WWOX: variants seen among roughly 807,000 people sequenced by gnomAD.
The protein encoded by WWOX is WW domain-containing oxidoreductase.
Under a neutral mutation model 46.2 loss-of-function variants are expected in WWOX, and 69 were observed. The observed-to-expected ratio is 1.49, with a 90% CI of 1.23 to 1.82. The LOEUF is 1.82. WWOX is among the 40% of genes most tolerant of loss of function. The pLI, the probability that WWOX is intolerant of heterozygous loss-of-function variation, is 0.00. For missense variants in WWOX, 919 were observed against 542.6 expected (o/e 1.69, Z -6.89); for synonymous variants, 359 against 202.6 (o/e 1.77, Z -6.56).
chr16:78,807,336 C>A (rs1245562899), intron 8 of WWOX, among the ~76,000 whole-genome samples: 1 of 152,122 alleles, frequency 6.6e-6, no homozygotes, highest in African/African-American at 2.4e-5. Flanking sequence ...CCAGTGACAC[C>A]CAGTGAATCT....
chr16:78,552,913 C>A (rs999780245), intron 8 of WWOX: 5 of 152,202 alleles, frequency 3.3e-5, no homozygotes, highest in African/African-American at 1.2e-4. Context: ...CTCCACATGC[C>A]ACAGGGAGTT....
At chr16:79,054,140 G>A (rs2048219754) in intron 8 of WWOX, among the ~76,000 whole-genome samples, 1 of 152,154 alleles carries the variant, frequency 6.6e-6, no homozygotes, top group African/African-American at 2.4e-5. Flanking sequence ...GTCAATGTTG[G>A]CTGTGGTTAG....
intron 8 of WWOX, among the ~76,000 whole-genome samples, chr16:79,030,233 A>G (rs936867267): frequency 6.6e-6 from 1 of 152,236 alleles, no homozygotes; most frequent in Non-Finnish European, 1.5e-5. Flanking sequence ...ATTACTTAGG[A>G]AAACTTTTAT....
At position 78,753,322 on chromosome 16, in the gene WWOX, A is replaced by T. The variant is rs566814086; in HGVS notation, c.1056+320570A>T. On this transcript the variant is annotated intron_variant, in intron 8 of 8. Coordinates refer to ENST00000566780, the MANE Select transcript of WWOX (RefSeq NM_016373.4). ...CGACAGAGTGAGACTCCGTCTCAAA[A>T]AAAAAGAAAAAAGAAAGAAAGAACC... 6.6e-5 allele frequency among the ~76,000 whole-genome samples: 10 copies of T among 152,048 alleles called. 1 individual carries two copies. In the East Asian group the frequency reaches 1.9e-3, roughly 30 times the overall value.
intron 8 of WWOX, among the ~76,000 whole-genome samples, chr16:78,889,057 C>T (rs1391259686): frequency 6.6e-6 from 1 of 152,100 alleles, no homozygotes; most frequent in African/African-American, 2.4e-5. Flanking sequence ...TTCCCTTTTA[C>T]AAGAAGATGT....
chr16:78,353,734 A>G (rs976537273), intron 5 of WWOX, among the ~76,000 whole-genome samples: 2 of 152,174 alleles, frequency 1.3e-5, no homozygotes, highest in Non-Finnish European at 2.9e-5. Flanking sequence ...GAACTTATTG[A>G]AGTGAGCAGG....
chr16:78,324,859 C>T (rs149754753), intron 5 of WWOX, among the ~76,000 whole-genome samples: 5 of 152,196 alleles, frequency 3.3e-5, no homozygotes, highest in African/African-American at 1.2e-4. Flanking sequence ...GTTGGTTGCA[C>T]AACTCTAAAT....
At chr16:78,542,814 C>A (rs1056933558) in intron 8 of WWOX, among the ~76,000 whole-genome samples, 1 of 152,134 alleles carries the variant, frequency 6.6e-6, no homozygotes, top group East Asian at 1.9e-4. Context: ...TTCTTTCTTT[C>A]TTAATGCAGG....
intron 8 of WWOX, among the ~76,000 whole-genome samples, chr16:78,767,213 T>C (rs1415836388): frequency 1.3e-5 from 2 of 151,994 alleles, no homozygotes; most frequent in Non-Finnish European, 2.9e-5. Context: ...CTTGACTTCC[T>C]GGGCTTCAGT....
chr16:78,224,421 C>A (rs562436646), intron 5 of WWOX, among the ~76,000 whole-genome samples: 37 of 151,180 alleles, frequency 2.4e-4, no homozygotes, highest in African/African-American at 8.2e-4. Flanking sequence ...AAAAAGCCAG[C>A]CAAAAAAAGA....
intron 8 of WWOX, among the ~76,000 whole-genome samples, chr16:78,668,212 G>A (rs754742825): frequency 3.3e-5 from 5 of 151,642 alleles, no homozygotes; most frequent in Non-Finnish European, 5.9e-5. Flanking sequence ...CCTGGGAAGC[G>A]GAGGTTGCAG....
chr16:79,091,775 C>CTTTT (rs771753213), intron 8 of WWOX, among the ~76,000 whole-genome samples: 20 of 126,848 alleles, frequency 1.6e-4, no homozygotes, highest in South Asian at 2.6e-4. Context: ...CTTTTCTTTT[C>CTTTT]TTTGTTTTTT....
intron 8 of WWOX, among the ~76,000 whole-genome samples, chr16:78,576,812 CACA>C (rs1463885200): frequency 6.6e-6 from 1 of 152,222 alleles, no homozygotes; most frequent in African/African-American, 2.4e-5. Context: ...GCCTAGGCAA[CACA>C]ACAAGACCCT....
intron 5 of WWOX, among the ~76,000 whole-genome samples, chr16:78,212,596 A>C (rs530061533): frequency 6.6e-6 from 1 of 152,188 alleles, no homozygotes; most frequent in Non-Finnish European, 1.5e-5. Flanking sequence ...CAAGGTGGTG[A>C]GAAACATTTT....
At chr16:78,329,410 A>T (rs563855511) in intron 5 of WWOX, among the ~76,000 whole-genome samples, 4 of 152,294 alleles carry the variant, frequency 2.6e-5, no homozygotes, top group African/African-American at 9.6e-5. Flanking sequence ...TTCCAGACAG[A>T]GTGAAATTTC....
At chr16:78,362,100 C>A (rs11642404) in intron 5 of WWOX, among the ~76,000 whole-genome samples, 1 of 151,396 alleles carries the variant, frequency 6.6e-6, no homozygotes, top group Non-Finnish European at 1.5e-5. Flanking sequence ...CTACATTCTT[C>A]CTCACTCCCC....
intron 5 of WWOX, among the ~76,000 whole-genome samples, chr16:78,386,514 TCGTGCATTCC>T (rs1322657715): frequency 6.6e-6 from 1 of 152,176 alleles, no homozygotes; most frequent in East Asian, 1.9e-4. Context: ...CGAGGCGTTG[TCGTGCATTCC>T]CCTCCTTACA....
chr16:78,295,555 A>G (rs964219096), intron 5 of WWOX, among the ~76,000 whole-genome samples: 1 of 152,166 alleles, frequency 6.6e-6, no homozygotes, highest in Non-Finnish European at 1.5e-5. Context: ...CTACTAAAAT[A>G]CAAAAATTAG....
chr16:78,470,989 A>G (rs951414606), intron 8 of WWOX, among the ~76,000 whole-genome samples: 7 of 152,194 alleles, frequency 4.6e-5, no homozygotes, highest in Admixed American at 2.0e-4. Flanking sequence ...AGAAACCAAC[A>G]GCACGTTTCC....
Sources: gnomAD v4.1 joint callset for allele counts (sites outside exome capture counted in the v4.1 genomes callset) on GRCh38, gnomAD v4.1.1 for gene constraint, MANE v1.5 for transcripts, NCBI Gene and HGNC (gene_info 2026-07-23, HGNC 2026-07-21) for gene names.